Variants in C1orf52 observed in about 807,000 individuals in gnomAD.
The protein encoded by C1orf52 is chromosome 1 open reading frame 52.
C1orf52 carries 5 observed loss-of-function variants against 17.2 expected under a neutral mutation model. The observed-to-expected ratio is 0.29, with a 90% CI of 0.15 to 0.61. The LOEUF (loss-of-function observed/expected upper bound fraction) is 0.61. C1orf52 is among the 20% of genes least tolerant of loss of function. C1orf52 has a pLI of 0.85. For synonymous variants in C1orf52, 110 were observed against 88.0 expected, an observed-to-expected ratio of 1.25 and a Z score of -1.40; for missense variants, 245 against 234.1, an observed-to-expected ratio of 1.05 and a Z score of -0.30.
chr1:85,259,521 G>A lies in C1orf52; in HGVS notation c.113C>T (p.Thr38Ile). 5 of 1,613,926 alleles carry A rather than the reference G, an allele frequency of 3.1e-6. No homozygotes were observed. Among genetic ancestry groups the A allele is most frequent in the East Asian group, 4.5e-5 (2 of 44,872 alleles). Residue 38 changes from threonine to isoleucine, a missense_variant, in exon 1 of 3, where the codon ACC becomes ATC. Transcript: ENST00000471115. ...NIEPEETSRRTPDPAKSAGGC... is the reference protein window; with the variant it reads ...NIEPEETSRRIPDPAKSAGGC... ...GCCCGCCGACTTCGCCGGATCCGGG[G>A]TTCTGCGACTCGTCTCCTCCGGCTC...
At chr1:85,253,924 T>C (rs1201112058) in intron 2 of C1orf52, among the ~76,000 whole-genome samples, 1 of 152,222 alleles carries the variant, frequency 6.6e-6, no homozygotes, top group South Asian at 2.1e-4. Flanking sequence ...TACTAATTAA[T>C]TGTAGCTTTT....
chr1:85,259,227 G>T, intron 1 of C1orf52, 131 bp downstream of exon 1: 1 of 1,248,322 alleles, frequency 8.0e-7, no homozygotes, highest in South Asian at 1.4e-5. Context: ...CTTGAGGTGG[G>T]AGGGGGTGGT....
chr1:85,258,702 T>C lies in C1orf52; in HGVS notation c.297A>G (p.Ile99Met), dbSNP rs756409166. 1 of 1,610,768 alleles carries C rather than the reference T, an allele frequency of 6.2e-7. No homozygotes were observed. Among genetic ancestry groups the C allele is most frequent in the South Asian group, 1.1e-5 (1 of 91,036 alleles). ...GAGGTGGTACATAATTTGACTTCCA[T>C]ATTTTGAATTCCTTTGGAGGCTGTT... The part of the protein sequence containing the change: ...APEEPPKEFK[I>M]WKSNYVPPPE... The change falls in exon 2 of 3, where the codon ATA becomes ATG. Residue 99 changes from isoleucine to methionine, a missense_variant. Physicochemically the swap from Ile to Met is conservative, Grantham distance 10. Coordinates refer to ENST00000471115, the MANE Select transcript of C1orf52 (RefSeq NM_198077.4).
rs888703420 is a variant in C1orf52, at chr1:85,250,193, C to G, written c.*2436G>C. 2 of 152,138 alleles carry G rather than the reference C, an allele frequency of 1.3e-5. No individual in the cohort carries two copies. The highest frequency in any genetic ancestry group is 6.5e-5 in the Admixed American group (1 of 15,272). 9.4% of individuals were successfully genotyped at this position (152,138 alleles called of 1,614,324 possible). A position where few individuals can be genotyped will look rare whatever the true frequency, so the allele number is the denominator to read the frequency against. On this transcript the variant is annotated 3_prime_UTR_variant, in exon 3 of 3. Transcript: ENST00000471115. ...CCCATAATTCAGTCACCACCCATGACACGTGGGAATTGTGGGAATTACAAT... is the reference window on the plus strand; with the variant it reads ...CCCATAATTCAGTCACCACCCATGAGACGTGGGAATTGTGGGAATTACAAT...
At chr1:85,256,615 C>T (rs1459178744) in intron 2 of C1orf52, among the ~76,000 whole-genome samples, 5 of 151,996 alleles carry the variant, frequency 3.3e-5, no homozygotes, top group Admixed American at 2.0e-4. Flanking sequence ...CTGGCTAACA[C>T]GGTGAAACCC....
chr1:85,258,807 C>A, intron 1 of C1orf52, 85 bp from the exon 2 acceptor site: 2 of 1,422,346 alleles, frequency 1.4e-6, no homozygotes, highest in Non-Finnish European at 1.9e-6. Flanking sequence ...CTGCCGTTCG[C>A]TTATCGTTCA....
At position 85,250,867 on chromosome 1, in the gene C1orf52, TACC is replaced by T. The variant is rs1349113840; in HGVS notation, c.*1759_*1761del. On this transcript the variant is annotated 3_prime_UTR_variant, in exon 3 of 3. Coordinates refer to ENST00000471115, the MANE Select transcript of C1orf52 (RefSeq NM_198077.4). The stretch of plus-strand genomic sequence containing the variant: ...CTTGATGCCACTCCTTAGTATATGA[TACC>T]ACAGATTTCCAAATTCATTACAAAG... The T allele has an allele frequency of 6.6e-6, 1 of 152,236 alleles. No individual in the cohort carries two copies. The highest frequency in any genetic ancestry group is 1.5e-5 in the Non-Finnish European group (1 of 68,038). 9.4% of individuals were successfully genotyped at this position (152,236 alleles called of 1,614,324 possible). A position where few individuals can be genotyped will look rare whatever the true frequency, so the allele number is the denominator to read the frequency against.
intron 2 of C1orf52, among the ~76,000 whole-genome samples, chr1:85,256,592 G>A (rs1053937611): frequency 1.3e-5 from 2 of 152,108 alleles, no homozygotes; most frequent in Admixed American, 6.5e-5. Context: ...GAGGTCAGGA[G>A]ATCCAGACCA....
chr1:85,257,529 G>A, intron 2 of C1orf52: 1 of 703,162 alleles, frequency 1.4e-6, no homozygotes, highest in Non-Finnish European at 2.6e-6. Context: ...ATTAATACAA[G>A]GCCTTGACTT....
At chr1:85,254,737 G>T (rs967006551) in intron 2 of C1orf52, among the ~76,000 whole-genome samples, 5 of 152,128 alleles carry the variant, frequency 3.3e-5, no homozygotes, top group Admixed American at 1.3e-4. Context: ...CCTCTTTTGA[G>T]ATTTTCAGTA....
At position 85,258,701 on chromosome 1, in the gene C1orf52, A is replaced by G. The variant is rs750788097; in HGVS notation, c.298T>C (p.Trp100Arg). 1 of 1,610,954 alleles carries G rather than the reference A, an allele frequency of 6.2e-7. No individual in the cohort carries two copies. The highest frequency in any genetic ancestry group is 1.3e-5 in the African/African-American group (1 of 74,988). ...GGAGGTGGTACATAATTTGACTTCC[A>G]TATTTTGAATTCCTTTGGAGGCTGT... ...PEEPPKEFKI[W>R]KSNYVPPPET... The change falls in exon 2 of 3, where the codon TGG (tryptophan) becomes CGG (arginine). Residue 100 changes from tryptophan (W) to arginine (R), a missense_variant. Physicochemically the swap from Trp to Arg is moderately radical, Grantham distance 101. Coordinates refer to ENST00000471115, the MANE Select transcript of C1orf52 (RefSeq NM_198077.4).
In C1orf52 at chr1:85,259,494, C is replaced by T. The variant is rs777284887; in HGVS notation, c.140G>A (p.Gly47Asp). Residue 47 changes from glycine to aspartate, a missense_variant, in exon 1 of 3, where the codon GGC (glycine) becomes GAC (aspartate). Physicochemically the swap from Gly to Asp is moderately conservative, Grantham distance 94. Transcript: ENST00000471115. ...CCGCTTCTCCGCCTTGTTCCTACAG[C>T]CGCCCGCCGACTTCGCCGGATCCGG... ...RTPDPAKSAG[G>D]CRNKAEKRLP... 4 of 1,613,734 alleles carry T rather than the reference C, an allele frequency of 2.5e-6. No homozygotes were observed. In the African/African-American group the frequency reaches 4.0e-5, roughly 16 times the overall value.
chr1:85,257,753 A>C lies in C1orf52; in HGVS notation c.475+771T>G, dbSNP rs111661843. Among the ~76,000 whole-genome samples the C allele has an allele frequency of 4.8e-3, 733 of 152,360 alleles. 2 individuals are homozygous for C. The highest frequency in any genetic ancestry group is 0.016 in the African/African-American group (683 of 41,578). On this transcript the variant is annotated intron_variant, in intron 2 of 2. Coordinates refer to ENST00000471115, the MANE Select transcript of C1orf52 (RefSeq NM_198077.4). ...TTCCTATTACTATGTAGTAATGCTC[A>C]GTTAAATTCATTTTGTCATACTAAT...
At position 85,252,492 on chromosome 1, in the gene C1orf52, C is replaced by A; in HGVS notation, c.*137G>T. 1.5e-6 allele frequency: 1 copy of A among 670,682 alleles called. No individual in the cohort carries two copies. The highest frequency in any genetic ancestry group is 3.3e-5 in the Admixed American group (1 of 30,720). The allele number at this position is 670,682 out of a possible 1,614,324, so 41.5% of individuals were successfully genotyped here. On this transcript the variant is annotated 3_prime_UTR_variant, in exon 3 of 3. Transcript: ENST00000471115. Reference sequence around the variant, plus strand: ...AAAAAGAATTCTATAGTGGAAAGTTCTTGAGGCAATACTTATTAGTTCATT... The same window carrying A: ...AAAAAGAATTCTATAGTGGAAAGTTATTGAGGCAATACTTATTAGTTCATT...
At chr1:85,258,760 C>A (rs1380537444) in intron 1 of C1orf52, 38 bp from the exon 2 acceptor site, 2 of 1,543,954 alleles carry the variant, frequency 1.3e-6, no homozygotes, top group South Asian at 1.2e-5. Context: ...TGTGACGAAC[C>A]GAGGTTCCTA....
rs138901393 is a variant in C1orf52, at chr1:85,259,582, T to A, written c.52A>T (p.Ser18Cys). 1 of 1,598,690 alleles carries A rather than the reference T, an allele frequency of 6.3e-7. No homozygotes were observed. Among genetic ancestry groups the A allele is most frequent in the Non-Finnish European group, 8.5e-7 (1 of 1,173,376 alleles). ...TCCTCGTCCGAGGAGCCTGAGCTGC[T>A]GCTCCCGTATGCCGCAAAATAGCTC... is the stretch of plus-strand genomic sequence containing the variant. ...PLSYFAAYGS[S>C]SSGSSDEEDN... The change falls in exon 1 of 3, where the codon AGC becomes TGC. Residue 18 changes from serine to cysteine, a missense_variant. Transcript: ENST00000471115.
intron 2 of C1orf52, 50 bp downstream of exon 2, chr1:85,258,474 C>G: frequency 7.0e-7 from 1 of 1,434,416 alleles, no homozygotes; most frequent in South Asian, 1.3e-5. Flanking sequence ...TCTTTTTAAG[C>G]CCATCACGGG....
At chr1:85,259,068 CGG>C in intron 1 of C1orf52, 1 of 1,008,416 alleles carries the variant, frequency 9.9e-7, no homozygotes, top group Non-Finnish European at 1.3e-6. Context: ...GAAGCTGCAG[CGG>C]GGGGGGCGGG....
chr1:85,252,696 T>G lies in C1orf52; in HGVS notation c.482A>C (p.Glu161Ala). ...EGEETLESDDEKDEHTSKKRK... is the reference protein window; with the variant it reads ...EGEETLESDDAKDEHTSKKRK... Reference sequence around the variant, plus strand: ...CTTTTTAGAAGTATGCTCATCTTTTTCATCATCTTTAAATAGAAAAGGAAG... The same window carrying G: ...CTTTTTAGAAGTATGCTCATCTTTTGCATCATCTTTAAATAGAAAAGGAAG... Residue 161 changes from glutamate to alanine, a missense_variant, in exon 3 of 3, where the codon GAA (glutamate) becomes GCA (alanine). Coordinates refer to ENST00000471115, the MANE Select transcript of C1orf52 (RefSeq NM_198077.4). 1 of 1,610,604 alleles carries G rather than the reference T, an allele frequency of 6.2e-7. No individual in the cohort carries two copies. Among genetic ancestry groups the G allele is most frequent in the Non-Finnish European group, 8.5e-7 (1 of 1,177,336 alleles).
Sources: gnomAD v4.1 joint callset for allele counts (sites outside exome capture counted in the v4.1 genomes callset) on GRCh38, gnomAD v4.1.1 for gene constraint, MANE v1.5 for transcripts, NCBI Gene and HGNC (gene_info 2026-07-23, HGNC 2026-07-21) for gene names.